Variants in OR8K1 observed in about 807,000 individuals in gnomAD.
OR8K1 encodes the protein olfactory receptor family 8 subfamily K member 1.
For synonymous variants in OR8K1, 157 were observed against 139.4 expected (o/e 1.13, Z -0.89); for missense variants, 417 against 374.0 (o/e 1.11, Z -0.95).
In OR8K1 at chr11:56,346,546, T is replaced by C. The variant is rs146792399; in HGVS notation, c.508T>C (p.Phe170Leu). The C allele has an allele frequency of 4.3e-5, 70 of 1,613,982 alleles. No homozygotes were observed. The highest frequency in any genetic ancestry group is 1.0e-4 in the Admixed American group (6 of 59,998). ...FVSLFLTIKL[F>L]KLSFCGSNII... Reference sequence around the variant, plus strand: ...GTCACTATTTCTCACAATTAAGTTATTTAAACTGTCCTTCTGTGGCTCAAA... The same window carrying C: ...GTCACTATTTCTCACAATTAAGTTACTTAAACTGTCCTTCTGTGGCTCAAA... The change falls in exon 1 of 1, where the codon TTT becomes CTT. Residue 170 changes from phenylalanine to leucine, a missense_variant. By Grantham distance (22) the Phe-to-Leu change is conservative (BLOSUM62 0). Transcript: ENST00000279783.
rs1298131004 is a variant in OR8K1, at chr11:56,346,184, T to A, written c.146T>A (p.Leu49Gln). Reference sequence around the variant, plus strand: ...TATCTGGTCACAGTGATAGGCAATCTGGGCATGGTTATCTTGACCTACTTG... The same window carrying A: ...TATCTGGTCACAGTGATAGGCAATCAGGGCATGGTTATCTTGACCTACTTG... ...IIYLVTVIGN[L>Q]GMVILTYLDS... Residue 49 changes from leucine (L) to glutamine (Q), a missense_variant, in exon 1 of 1, where the codon CTG becomes CAG. By Grantham distance (113) the Leu-to-Gln change is moderately radical. Coordinates refer to ENST00000279783, the MANE Select transcript of OR8K1 (RefSeq NM_001002907.1). The A allele has an allele frequency of 6.2e-7, 1 of 1,614,118 alleles. No individual in the cohort carries two copies.
In OR8K1 at chr11:56,346,894, C is replaced by T; in HGVS notation, c.856C>T (p.Leu286=). Residue 286 remains leucine, a synonymous_variant, in exon 1 of 1, where the codon CTG becomes TTG. Coordinates refer to ENST00000279783, the MANE Select transcript of OR8K1 (RefSeq NM_001002907.1). ...TAAAATGGCCTCAGTGTTTTATACC[C>T]TGTTGATTCCTATGCTGAATCCGTT... ...IDKMASVFYT[L]LIPMLNPLIY... The T allele has an allele frequency of 6.2e-7, 1 of 1,613,880 alleles. No homozygotes were observed. The highest frequency in any genetic ancestry group is 8.5e-7 in the Non-Finnish European group (1 of 1,179,886).
In OR8K1 at chr11:56,346,601, T is replaced by C; in HGVS notation, c.563T>C (p.Ile188Thr). 6.2e-7 allele frequency: 1 copy of C among 1,613,684 alleles called. No homozygotes were observed. Among genetic ancestry groups the C allele is most frequent in the Non-Finnish European group, 8.5e-7 (1 of 1,179,628 alleles). The change falls in exon 1 of 1, where the codon ATC becomes ACC. Residue 188 changes from isoleucine (I) to threonine (T), a missense_variant. Ile to Thr is a moderately conservative substitution (Grantham distance 89, BLOSUM62 -1). Transcript: ENST00000279783. ...NIISYFYCDCIPLMSILCSDT... is the reference protein window; with the variant it reads ...NIISYFYCDCTPLMSILCSDT... ...ATCAGCTATTTTTACTGTGACTGTA[T>C]CCCTCTGATGTCCATACTCTGTTCT...
Position 56,346,992 on chromosome 11 carries a change from C to T in OR8K1, c.954C>T (p.Pro318=), listed in dbSNP as rs370818135. 6.3e-7 allele frequency: 1 copy of T among 1,584,048 alleles called. No individual in the cohort carries two copies. Among genetic ancestry groups the T allele is most frequent in the Non-Finnish European group, 8.6e-7 (1 of 1,165,012 alleles). The change falls in exon 1 of 1, where the codon CCC becomes CCT. Residue 318 remains proline (P), a synonymous_variant. Transcript: ENST00000279783. The part of the protein sequence containing the change: ...KRTLTNRFKI[P]I ...CTTTAACCAATCGATTCAAAATTCC[C>T]ATTTAATATCTTAATACTCAGTTGC...
chr11:56,346,762 A>C lies in OR8K1; in HGVS notation c.724A>C (p.Lys242Gln), dbSNP rs1434556084. The C allele has an allele frequency of 6.2e-7, 1 of 1,614,048 alleles. No individual in the cohort carries two copies. The highest frequency in any genetic ancestry group is 1.3e-5 in the African/African-American group (1 of 75,050). ...AATGAACTCAAGGAAAGGGAGGTAC[A>C]AAGCCTTCTCCACCTGTAGCTCTCA... is the stretch of plus-strand genomic sequence containing the variant. Reference protein sequence around the residue: ...LRMNSRKGRYKAFSTCSSHLT... With the variant: ...LRMNSRKGRYQAFSTCSSHLT... Residue 242 changes from lysine to glutamine, a missense_variant, in exon 1 of 1, where the codon AAA becomes CAA. Coordinates refer to ENST00000279783, the MANE Select transcript of OR8K1 (RefSeq NM_001002907.1).
rs772960419 is a variant in OR8K1, at chr11:56,346,420, C to T, written c.382C>T (p.Arg128Cys). 20 of 1,614,042 alleles carry T rather than the reference C, an allele frequency of 1.2e-5. No individual in the cohort carries two copies. The highest frequency in any genetic ancestry group is 1.2e-4 in the Admixed American group (7 of 60,010). The change falls in exon 1 of 1, where the codon CGC becomes TGC. Residue 128 changes from arginine (R) to cysteine (C), a missense_variant. Transcript: ENST00000279783. ...TATTCTATCAGCAATGGCCTATGAT[C>T]GCTACGTAGCCATCTGTAAACCTCT... The part of the protein sequence containing the change: ...LFILSAMAYD[R>C]YVAICKPLLY...
chr11:56,346,746 A>G lies in OR8K1; in HGVS notation c.708A>G (p.Ser236=). Residue 236 remains serine, a synonymous_variant, in exon 1 of 1, where the codon TCA becomes TCG. Transcript: ENST00000279783. ...TAGTGGCCATTCTCAGAATGAACTCAAGGAAAGGGAGGTACAAAGCCTTCT... is the reference window on the plus strand; with the variant it reads ...TAGTGGCCATTCTCAGAATGAACTCGAGGAAAGGGAGGTACAAAGCCTTCT... ...FILVAILRMN[S]RKGRYKAFST... The G allele has an allele frequency of 6.2e-7, 1 of 1,613,990 alleles. No individual in the cohort carries two copies. The highest frequency in any genetic ancestry group is 8.5e-7 in the Non-Finnish European group (1 of 1,179,928).
rs1565116805 is a variant in OR8K1 at position 56,346,477 on chromosome 11, C to A, written c.439C>A (p.Leu147Ile). Residue 147 changes from leucine to isoleucine, a missense_variant, in exon 1 of 1, where the codon CTT (leucine) becomes ATT (isoleucine). Transcript: ENST00000279783. ...LYVIIMAEKVLWVLVIVPYLY... is the reference protein window; with the variant it reads ...LYVIIMAEKVIWVLVIVPYLY... The stretch of plus-strand genomic sequence containing the variant: ...CGTGATCATCATGGCAGAGAAAGTA[C>A]TTTGGGTGCTGGTAATTGTTCCCTA... The A allele has an allele frequency of 6.2e-7, 1 of 1,613,906 alleles. No homozygotes were observed. The highest frequency in any genetic ancestry group is 1.3e-5 in the African/African-American group (1 of 74,912).
Position 56,346,300 on chromosome 11 carries a change from T to C in OR8K1, c.262T>C (p.Leu88=). 4.3e-6 allele frequency: 7 copies of C among 1,614,184 alleles called. No homozygotes were observed. Among genetic ancestry groups the C allele is most frequent in the Non-Finnish European group, 5.9e-6 (7 of 1,180,036 alleles). The change falls in exon 1 of 1, where the codon TTA becomes CTA. Residue 88 remains leucine (L), a synonymous_variant. Transcript: ENST00000279783. ...GYSTVIAPKM[L]VNFIVHKNTI... ...CTCCACTGTCATTGCCCCGAAGATG[T>C]TAGTAAACTTCATAGTGCACAAAAA...
Position 56,346,231 on chromosome 11 carries a change from A to C in OR8K1, c.193A>C (p.Met65Leu), listed in dbSNP as rs749945055. The change falls in exon 1 of 1, where the codon ATG becomes CTG. Residue 65 changes from methionine (M) to leucine (L), a missense_variant. Met to Leu is a conservative substitution (Grantham distance 15). Transcript: ENST00000279783. ...TYLDSKLHTPMYFFLRHLSIT... is the reference protein window; with the variant it reads ...TYLDSKLHTPLYFFLRHLSIT... Reference sequence around the variant, plus strand: ...CTTGGACTCCAAGCTACACACCCCCATGTACTTTTTCCTTAGACATTTGTC... The same window carrying C: ...CTTGGACTCCAAGCTACACACCCCCCTGTACTTTTTCCTTAGACATTTGTC... The C allele has an allele frequency of 1.2e-6, 2 of 1,613,884 alleles. No individual in the cohort carries two copies. The highest frequency in any genetic ancestry group is 1.7e-6 in the Non-Finnish European group (2 of 1,179,960).
In OR8K1 at chr11:56,346,919, T is replaced by G; in HGVS notation, c.881T>G (p.Leu294Trp). 6.2e-7 allele frequency: 1 copy of G among 1,613,210 alleles called. No individual in the cohort carries two copies. Among genetic ancestry groups the G allele is most frequent in the South Asian group, 1.1e-5 (1 of 91,042 alleles). The change falls in exon 1 of 1, where the codon TTG becomes TGG. Residue 294 changes from leucine (L) to tryptophan (W), a missense_variant. Physicochemically the swap from Leu to Trp is moderately conservative, Grantham distance 61 (BLOSUM62 -2). Transcript: ENST00000279783. ...YTLLIPMLNPLIYSLRNKEVK... is the reference protein window; with the variant it reads ...YTLLIPMLNPWIYSLRNKEVK... ...CTGTTGATTCCTATGCTGAATCCGT[T>G]GATCTACAGCCTAAGGAACAAAGAA...
In OR8K1 at chr11:56,346,336, T is replaced by C. The variant is rs1565116721; in HGVS notation, c.298T>C (p.Tyr100His). 4.3e-6 allele frequency: 7 copies of C among 1,614,156 alleles called. No homozygotes were observed. Among genetic ancestry groups the C allele is most frequent in the Non-Finnish European group, 5.9e-6 (7 of 1,180,022 alleles). ...NFIVHKNTIS[Y>H]NWYATQLAFF... ...CATAGTGCACAAAAACACAATTTCTTACAATTGGTATGCCACTCAGCTAGC... is the reference window on the plus strand; with the variant it reads ...CATAGTGCACAAAAACACAATTTCTCACAATTGGTATGCCACTCAGCTAGC... The change falls in exon 1 of 1, where the codon TAC becomes CAC. Residue 100 changes from tyrosine to histidine, a missense_variant. By Grantham distance (83) the Tyr-to-His change is moderately conservative. Coordinates refer to ENST00000279783, the MANE Select transcript of OR8K1 (RefSeq NM_001002907.1).
chr11:56,346,421 G>A lies in OR8K1; in HGVS notation c.383G>A (p.Arg128His), dbSNP rs369119091. Residue 128 changes from arginine (R) to histidine (H), a missense_variant, in exon 1 of 1, where the codon CGC becomes CAC. Coordinates refer to ENST00000279783, the MANE Select transcript of OR8K1 (RefSeq NM_001002907.1). ...LFILSAMAYDRYVAICKPLLY... is the reference protein window; with the variant it reads ...LFILSAMAYDHYVAICKPLLY... ...ATTCTATCAGCAATGGCCTATGATCGCTACGTAGCCATCTGTAAACCTCTT... is the reference window on the plus strand; with the variant it reads ...ATTCTATCAGCAATGGCCTATGATCACTACGTAGCCATCTGTAAACCTCTT... 20 of 1,613,826 alleles carry A rather than the reference G, an allele frequency of 1.2e-5. No homozygotes were observed. The highest frequency in any genetic ancestry group is 1.6e-4 in the Middle Eastern group (1 of 6,084).
Position 56,346,259 on chromosome 11 carries a change from T to C in OR8K1, c.221T>C (p.Ile74Thr). Residue 74 changes from isoleucine (I) to threonine (T), a missense_variant, in exon 1 of 1, where the codon ATC becomes ACC. Transcript: ENST00000279783. ...PMYFFLRHLS[I>T]TDLGYSTVIA... ...TACTTTTTCCTTAGACATTTGTCAA[T>C]CACTGATCTTGGTTACTCCACTGTC... The C allele has an allele frequency of 6.2e-7, 1 of 1,614,208 alleles. No homozygotes were observed. Among genetic ancestry groups the C allele is most frequent in the Admixed American group, 1.7e-5 (1 of 60,012 alleles).
Position 56,346,501 on chromosome 11 carries a change from T to C in OR8K1, c.463T>C (p.Tyr155His), listed in dbSNP as rs766460741. The C allele has an allele frequency of 6.2e-7, 1 of 1,614,072 alleles. No individual in the cohort carries two copies. The change falls in exon 1 of 1, where the codon TAT (tyrosine) becomes CAT (histidine). Residue 155 changes from tyrosine (Y) to histidine (H), a missense_variant. Transcript: ENST00000279783. ...ACTTTGGGTGCTGGTAATTGTTCCC[T>C]ATCTCTATAGCACGTTTGTGTCACT... ...KVLWVLVIVP[Y>H]LYSTFVSLFL...
Position 56,346,227 on chromosome 11 carries a change from C to A in OR8K1, c.189C>A (p.Thr63=). ...CCTACTTGGACTCCAAGCTACACAC[C>A]CCCATGTACTTTTTCCTTAGACATT... The part of the protein sequence containing the change: ...ILTYLDSKLH[T]PMYFFLRHLS... Residue 63 remains threonine, a synonymous_variant, in exon 1 of 1, where the codon ACC becomes ACA. Coordinates refer to ENST00000279783, the MANE Select transcript of OR8K1 (RefSeq NM_001002907.1). The A allele has an allele frequency of 6.2e-7, 1 of 1,613,932 alleles. No homozygotes were observed. Among genetic ancestry groups the A allele is most frequent in the East Asian group, 2.2e-5 (1 of 44,874 alleles).
In OR8K1 at chr11:56,346,911, G is replaced by C. The variant is rs1854844595; in HGVS notation, c.873G>C (p.Leu291=). The C allele has an allele frequency of 8.7e-6, 14 of 1,613,502 alleles. No homozygotes were observed. Among genetic ancestry groups the C allele is most frequent in the Non-Finnish European group, 1.2e-5 (14 of 1,179,688 alleles). The change falls in exon 1 of 1, where the codon CTG becomes CTC. Residue 291 remains leucine, a synonymous_variant. Coordinates refer to ENST00000279783, the MANE Select transcript of OR8K1 (RefSeq NM_001002907.1). The part of the protein sequence containing the change: ...SVFYTLLIPM[L]NPLIYSLRNK... ...TTTATACCCTGTTGATTCCTATGCT[G>C]AATCCGTTGATCTACAGCCTAAGGA... is the stretch of plus-strand genomic sequence containing the variant.
In OR8K1 at chr11:56,346,978, C is replaced by G. The variant is rs1004769924; in HGVS notation, c.940C>G (p.Arg314Gly). The stretch of plus-strand genomic sequence containing the variant: ...TGCTCTAAAGAGAACTTTAACCAAT[C>G]GATTCAAAATTCCCATTTAATATCT... Reference protein sequence around the residue: ...KDALKRTLTNRFKIPI With the variant: ...KDALKRTLTNGFKIPI The change falls in exon 1 of 1, where the codon CGA becomes GGA. Residue 314 changes from arginine (R) to glycine (G), a missense_variant. Physicochemically the swap from Arg to Gly is moderately radical, Grantham distance 125. Transcript: ENST00000279783. 2 of 1,591,548 alleles carry G rather than the reference C, an allele frequency of 1.3e-6. No individual in the cohort carries two copies. The highest frequency in any genetic ancestry group is 4.5e-5 in the East Asian group (2 of 44,686).
rs780138063 is a variant in OR8K1 at position 56,346,800 on chromosome 11, G to C, written c.762G>C (p.Val254=). Residue 254 remains valine (V), a synonymous_variant, in exon 1 of 1, where the codon GTG becomes GTC. Transcript: ENST00000279783. ...FSTCSSHLTV[V]IMFYGTLLFI... is the part of the protein sequence containing the mutation. ...CCTGTAGCTCTCATCTGACAGTGGT[G>C]ATCATGTTCTATGGGACATTGTTAT... 9.9e-6 allele frequency: 16 copies of C among 1,613,976 alleles called. No individual in the cohort carries two copies. The highest frequency in any genetic ancestry group is 1.3e-5 in the Non-Finnish European group (15 of 1,179,882).
Sources: allele counts gnomAD v4.1 joint callset, GRCh38; gene constraint gnomAD v4.1.1; transcripts MANE v1.5; gene names NCBI Gene and HGNC (gene_info 2026-07-23, HGNC 2026-07-21).